MBTD1: variants seen among roughly 807,000 people sequenced by gnomAD.
The protein encoded by MBTD1 is mbt domain containing 1.
MBTD1 carries 24 observed loss-of-function variants against 87.8 expected under a neutral mutation model. The observed-to-expected ratio is 0.27, with a 90% CI of 0.20 to 0.38. The LOEUF (loss-of-function observed/expected upper bound fraction) is 0.38, where lower values mean the gene tolerates loss of function less well. Ranked by LOEUF, MBTD1 falls within the 10% of genes least tolerant of loss-of-function variation. MBTD1 has a pLI of 1.00. For missense variants in MBTD1, 436 were observed against 760.2 expected (o/e 0.57, Z 5.02); for synonymous variants, 237 against 248.6 (o/e 0.95, Z 0.44).
chr17:51,201,984 CT>C, intron 11 of MBTD1, 37 bp downstream of exon 11: 1 of 1,427,674 alleles, frequency 7.0e-7, no homozygotes, highest in East Asian at 2.3e-5. Context: ...TCTTTCAAAC[CT>C]AATTTACAAA....
intron 2 of MBTD1, among the ~76,000 whole-genome samples, chr17:51,228,357 C>T (rs1351927247): frequency 6.6e-6 from 1 of 151,982 alleles, no homozygotes; most frequent in Non-Finnish European, 1.5e-5. Flanking sequence ...AGCAAACCTG[C>T]ACAAGTACCC....
chr17:51,260,654 G>A (rs2055426747), upstream of MBTD1: 4 of 1,612,316 alleles, frequency 2.5e-6, no homozygotes, highest in Non-Finnish European at 3.4e-6. Context: ...GCGGAAGCCC[G>A]GAATGAGGCC....
Position 51,225,034 on chromosome 17 carries a change from G to C in MBTD1, c.128C>G (p.Thr43Arg). ...PIIKNNGQVY[T>R]YPDGKSGMAT... is the part of the protein sequence containing the mutation. ...CATGCCAGATTTACCATCTGGGTAT[G>C]TGTAGACTTGCCCATTGTTTTTGAT... The change falls in exon 3 of 17, where the codon ACA becomes AGA. Residue 43 changes from threonine (T) to arginine (R), a missense_variant. Thr to Arg is a moderately conservative substitution (Grantham distance 71). This residue lies in a region of MBTD1 where 18 missense variants were observed against 107.8 expected (regional missense o/e 0.17). Transcript: ENST00000586178. The C allele has an allele frequency of 6.4e-7, 1 of 1,551,530 alleles. No individual in the cohort carries two copies. The highest frequency in any genetic ancestry group is 8.7e-7 in the Non-Finnish European group (1 of 1,146,726).
At chr17:51,216,277 G>T (rs1221171008) in intron 6 of MBTD1, among the ~76,000 whole-genome samples, 1 of 152,122 alleles carries the variant, frequency 6.6e-6, no homozygotes, top group Non-Finnish European at 1.5e-5. Flanking sequence ...AAAAGTTCAT[G>T]TATTTTCTAA....
At chr17:51,259,631 C>T (rs536948132) in intron 1 of MBTD1, among the ~76,000 whole-genome samples, 1 of 151,338 alleles carries the variant, frequency 6.6e-6, no homozygotes, top group Non-Finnish European at 1.5e-5. Context: ...CCCAACGAGT[C>T]CAAGGCTGAC....
chr17:51,180,168 A>G lies in MBTD1; in HGVS notation c.*408T>C, dbSNP rs1223488676. 1 of 159,224 alleles carries G rather than the reference A, an allele frequency of 6.3e-6. No homozygotes were observed. Among genetic ancestry groups the G allele is most frequent in the African/African-American group, 2.4e-5 (1 of 41,474 alleles). 9.9% of individuals were successfully genotyped at this position (159,224 alleles called of 1,614,324 possible). ...TCTAAAAATCCCAAAATCTCCCAAC[A>G]GGTACCAAAAAGGTTCATTTGTAAT... On this transcript the variant is annotated 3_prime_UTR_variant, in exon 17 of 17. Coordinates refer to ENST00000586178, the MANE Select transcript of MBTD1 (RefSeq NM_017643.3).
chr17:51,243,219 G>A (rs1329988089), intron 2 of MBTD1, among the ~76,000 whole-genome samples: 1 of 151,888 alleles, frequency 6.6e-6, no homozygotes. Flanking sequence ...TGCTGGGAAT[G>A]TATTGCCAAG....
intron 6 of MBTD1, among the ~76,000 whole-genome samples, chr17:51,207,976 TA>T (rs751517172): frequency 2.8e-4 from 42 of 152,336 alleles, no homozygotes; most frequent in Middle Eastern, 3.4e-3. Flanking sequence ...AAAGACTTGA[TA>T]GTATGAACAA....
At chr17:51,188,848 C>T (rs2050669903) in intron 16 of MBTD1, among the ~76,000 whole-genome samples, 1 of 151,332 alleles carries the variant, frequency 6.6e-6, no homozygotes, top group Non-Finnish European at 1.5e-5. Flanking sequence ...CAACCTCCGC[C>T]TCCCAGGTTC....
chr17:51,179,513 T>TATATATTC lies in MBTD1; in HGVS notation c.*1062_*1063insGAATATAT, dbSNP rs1555673826. 9 of 98,976 alleles carry TATATATTC rather than the reference T, an allele frequency of 9.1e-5. 1 individual carries two copies. The highest frequency in any genetic ancestry group is 3.5e-4 in the African/African-American group (9 of 26,026). The allele number at this position is 98,976 out of a possible 1,614,324, so 6.1% of individuals were successfully genotyped here. On this transcript the variant is annotated 3_prime_UTR_variant, in exon 17 of 17. Transcript: ENST00000586178. ...ATATATATATATATATATATATATA[T>TATATATTC]ATATATATATATATATATATATATG...
At chr17:51,183,783 A>G (rs954314896) in intron 16 of MBTD1, 1 of 152,242 alleles carries the variant, frequency 6.6e-6, no homozygotes, top group East Asian at 1.9e-4. Context: ...CGTGAGGGCC[A>G]TTTTAACAAT....
chr17:51,225,193 C>T lies in MBTD1; in HGVS notation c.-32G>A, dbSNP rs1330402811. ...AGAATCTCTTCTTTTCCTTTCAGAT[C>T]GTGAAGAATGTTCAGTCTTTGAAGT... On this transcript the variant is annotated 5_prime_UTR_variant, in exon 3 of 17. Transcript: ENST00000586178. The T allele has an allele frequency of 5.3e-6, 8 of 1,516,590 alleles. No individual in the cohort carries two copies. The highest frequency in any genetic ancestry group is 1.4e-5 in the African/African-American group (1 of 71,884). 93.9% of individuals were successfully genotyped at this position (1,516,590 alleles called of 1,614,324 possible).
At position 51,255,819 on chromosome 17, in the gene MBTD1, A is replaced by G. The variant is rs186148304; in HGVS notation, c.-49+3324T>C. On this transcript the variant is annotated intron_variant, in intron 2 of 16. Transcript: ENST00000586178. Reference sequence around the variant, plus strand: ...CGCCATGTTGCCCAGGCTGATCTTGAACTCCTGGGTTCAAGCAATCTGCCT... The same window carrying G: ...CGCCATGTTGCCCAGGCTGATCTTGGACTCCTGGGTTCAAGCAATCTGCCT... Among the ~76,000 whole-genome samples, 3 of 152,026 alleles carry G rather than the reference A, an allele frequency of 2.0e-5. No homozygotes were observed. The East Asian group carries it at 5.8e-4, about 29-fold the overall frequency.
At chr17:51,246,883 G>A (rs967978565) in intron 2 of MBTD1, among the ~76,000 whole-genome samples, 7 of 151,828 alleles carry the variant, frequency 4.6e-5, no homozygotes, top group African/African-American at 1.7e-4. Context: ...CAGGTGATCC[G>A]CCCGCCTCAG....
In MBTD1 at chr17:51,179,489, TA is replaced by T. The variant is rs2050208316; in HGVS notation, c.*1086del. 1.6e-4 allele frequency: 3 copies of T among 18,986 alleles called. No individual in the cohort carries two copies. The highest frequency in any genetic ancestry group is 2.2e-4 in the Non-Finnish European group (2 of 8,960). 1.2% of individuals were successfully genotyped at this position (18,986 alleles called of 1,614,324 possible). The stretch of plus-strand genomic sequence containing the variant: ...GAATACAATTAAAGACAATTTTATA[TA>T]TATATATATATATATATATATATAT... On this transcript the variant is annotated 3_prime_UTR_variant, in exon 17 of 17. Coordinates refer to ENST00000586178, the MANE Select transcript of MBTD1 (RefSeq NM_017643.3).
chr17:51,184,120 G>A (rs777505469), intron 16 of MBTD1: 4 of 152,206 alleles, frequency 2.6e-5, no homozygotes, highest in Admixed American at 6.5e-5. Flanking sequence ...CAAGATAAAG[G>A]TGAAACACTC....
chr17:51,201,919 T>C, intron 11 of MBTD1, 103 bp downstream of exon 11: 1 of 811,400 alleles, frequency 1.2e-6, no homozygotes, highest in Non-Finnish European at 2.1e-6. Context: ...TTAATTCTTT[T>C]AAGTGAACAT....
chr17:51,260,565 G>A (rs749900292), upstream of MBTD1: 17 of 1,602,888 alleles, frequency 1.1e-5, 1 homozygote, highest in Admixed American at 7.0e-5. Flanking sequence ...GAGCGCCTGC[G>A]TTTCTCCTCA....
intron 2 of MBTD1, among the ~76,000 whole-genome samples, chr17:51,227,230 A>G (rs2053272980): frequency 8.5e-6 from 1 of 118,318 alleles, no homozygotes; most frequent in African/African-American, 3.4e-5. Flanking sequence ...TGACAGAGCG[A>G]GACTCTGTCT....
Sources: gnomAD v4.1 joint callset for allele counts (sites outside exome capture counted in the v4.1 genomes callset) on GRCh38, gnomAD v4.1.1 for gene constraint, gnomAD v4.1.1 regional missense constraint, MANE v1.5 for transcripts, NCBI Gene and HGNC (gene_info 2026-07-23, HGNC 2026-07-21) for gene names.